PHLDB2: variants seen among roughly 807,000 people sequenced by gnomAD.
PHLDB2 encodes pleckstrin homology like domain family B member 2, also known as pleckstrin homology-like domain family B member 2.
PHLDB2 carries 71 observed loss-of-function variants against 123.6 expected under a neutral mutation model. The ratio of observed to expected loss-of-function variants is 0.57; its 90% CI spans 0.47 to 0.70. PHLDB2 has a LOEUF of 0.70. Among genes scored for constraint, PHLDB2 ranks in the 30% least tolerant of loss-of-function variants. The probability of loss-of-function intolerance (pLI) is 0.00; values close to 1 mark genes in which losing one functional copy is unlikely to be tolerated. For synonymous variants in PHLDB2, 547 were observed against 541.6 expected, an observed-to-expected ratio of 1.01 and a Z score of -0.14; for missense variants, 1,446 against 1,519.5, an observed-to-expected ratio of 0.95 and a Z score of 0.80.
rs751320904 is a variant in PHLDB2 at position 111,780,402 on chromosome 3, A to AGAAGAAGAAGAAGAAGAAG, written c.-49+47708_-49+47709insGAAGAAGAAGGAAGAAGAA. Among the ~76,000 whole-genome samples, 6 of 145,812 alleles carry AGAAGAAGAAGAAGAAGAAG rather than the reference A, an allele frequency of 4.1e-5. 1 individual carries two copies. Among genetic ancestry groups the AGAAGAAGAAGAAGAAGAAG allele is most frequent in the African/African-American group, 5.1e-5 (2 of 39,128 alleles). On this transcript the variant is annotated intron_variant, in intron 1 of 17. Coordinates refer to the PHLDB2 transcript ENST00000393923. ...AAGAAGAAGAAGAAGAAGAAGAAGAAGAAGAAGAAAAAGATTAGTTCGGCC... is the reference window on the plus strand; with the variant it reads ...AAGAAGAAGAAGAAGAAGAAGAAGAAGAAGAAGAAGAAGAAGAAGGAAGAAGAAAAAGATTAGTTCGGCC...
intron 2 of PHLDB2, among the ~76,000 whole-genome samples, chr3:111,852,713 A>T (rs1291201268): frequency 6.6e-6 from 1 of 151,958 alleles, no homozygotes; most frequent in African/African-American, 2.4e-5. Context: ...TGATAAGAAA[A>T]GTGAGCCAGA....
chr3:111,875,514 G>GA (rs1475056064), intron 1 of PHLDB2, among the ~76,000 whole-genome samples: 1 of 151,142 alleles, frequency 6.6e-6, no homozygotes, highest in East Asian at 2.0e-4. Flanking sequence ...AAGAGCTAAG[G>GA]AAAAAATCAA....
chr3:111,862,163 G>A (rs902865096), intron 1 of PHLDB2, among the ~76,000 whole-genome samples: 2 of 152,172 alleles, frequency 1.3e-5, no homozygotes, highest in Admixed American at 6.5e-5. Context: ...ATTTTTAAAG[G>A]AGTAGTTAAC....
upstream of PHLDB2, among the ~76,000 whole-genome samples, chr3:111,856,335 A>G (rs2064505969): frequency 6.6e-6 from 1 of 152,220 alleles, no homozygotes; most frequent in Non-Finnish European, 1.5e-5. Context: ...ATTAAAGACA[A>G]TGAACTCAAG....
intron 2 of PHLDB2, among the ~76,000 whole-genome samples, chr3:111,902,660 CG>C (rs1418922079): frequency 6.6e-6 from 1 of 151,668 alleles, no homozygotes; most frequent in Non-Finnish European, 1.5e-5. Flanking sequence ...TTCTTTGAGG[CG>C]GGGGTCTCCC....
intron 1 of PHLDB2, among the ~76,000 whole-genome samples, chr3:111,769,885 G>T: frequency 6.6e-6 from 1 of 152,210 alleles, no homozygotes; most frequent in East Asian, 1.9e-4. Flanking sequence ...ATGCTGCTGG[G>T]TTAAATATAT....
chr3:111,807,948 T>A, intron 1 of PHLDB2, among the ~76,000 whole-genome samples: 1 of 14,710 alleles, frequency 6.8e-5, no homozygotes, highest in Admixed American at 8.6e-4. Context: ...AGCTGGGTGT[T>A]TTTTTTTTTT....
At chr3:111,944,865 A>G (rs767394367) in intron 8 of PHLDB2, among the ~76,000 whole-genome samples, 37 of 152,060 alleles carry the variant, frequency 2.4e-4, no homozygotes, top group South Asian at 2.3e-3. Flanking sequence ...AGTAGAGACA[A>G]GGTTTCACCA....
chr3:111,966,556 T>G (rs1195897508), intron 13 of PHLDB2, 57 bp from the exon 14 acceptor site: 3 of 1,145,882 alleles, frequency 2.6e-6, no homozygotes, highest in African/African-American at 1.6e-5. Flanking sequence ...GTGTATGTAT[T>G]AGAGAGACTT....
chr3:111,752,602 C>T (rs188142972), intron 1 of PHLDB2, among the ~76,000 whole-genome samples: 4 of 151,236 alleles, frequency 2.6e-5, no homozygotes, highest in Admixed American at 6.6e-5. Flanking sequence ...AGTTTTCATT[C>T]GGTTATTTTC....
chr3:111,855,677 C>T (rs2064463482), upstream of PHLDB2, among the ~76,000 whole-genome samples: 1 of 139,342 alleles, frequency 7.2e-6, no homozygotes, highest in Non-Finnish European at 1.5e-5. Flanking sequence ...CACTCTGCCA[C>T]CCAGGCTGGA....
chr3:111,854,177 C>G (rs1035407052), intron 2 of PHLDB2, among the ~76,000 whole-genome samples: 1 of 152,166 alleles, frequency 6.6e-6, no homozygotes, highest in South Asian at 2.1e-4. Flanking sequence ...ACAAAACCAT[C>G]AGATCTCATG....
chr3:111,931,552 G>A (rs1442615444), intron 5 of PHLDB2, among the ~76,000 whole-genome samples: 1 of 151,884 alleles, frequency 6.6e-6, no homozygotes, highest in Non-Finnish European at 1.5e-5. Context: ...TATGTCAGTC[G>A]TTGTGGGAAA....
At chr3:111,901,912 GT>G (rs950484151) in intron 2 of PHLDB2, among the ~76,000 whole-genome samples, 8 of 151,986 alleles carry the variant, frequency 5.3e-5, no homozygotes, top group African/African-American at 1.9e-4. Context: ...CTTATGGCCG[GT>G]TTTTTTCAGT....
intron 12 of PHLDB2, among the ~76,000 whole-genome samples, chr3:111,959,937 A>G (rs991426606): frequency 3.3e-5 from 5 of 152,334 alleles, no homozygotes; most frequent in Admixed American, 3.3e-4. Context: ...TAATTCTTGT[A>G]TGTTTTAAAT....
chr3:111,817,884 A>G (rs1483468187), intron 1 of PHLDB2, among the ~76,000 whole-genome samples: 1 of 152,174 alleles, frequency 6.6e-6, no homozygotes, highest in African/African-American at 2.4e-5. Context: ...GTGGGAGAAG[A>G]TAGGCTGGTA....
chr3:111,780,781 T>A (rs1433362261), intron 1 of PHLDB2, among the ~76,000 whole-genome samples: 1 of 152,064 alleles, frequency 6.6e-6, no homozygotes, highest in Admixed American at 6.6e-5. Flanking sequence ...TAGACCCAAA[T>A]GCATCAATAG....
chr3:111,741,567 G>A (rs1287694789), intron 1 of PHLDB2, among the ~76,000 whole-genome samples: 1 of 152,104 alleles, frequency 6.6e-6, no homozygotes. Context: ...CTGTGTGTGT[G>A]TGTTACGTGG....
chr3:111,786,162 CCTATGGACATT>C (rs1330266044), intron 1 of PHLDB2, among the ~76,000 whole-genome samples: 1 of 152,128 alleles, frequency 6.6e-6, no homozygotes, highest in Non-Finnish European at 1.5e-5. Context: ...TTGCACTGGA[CCTATGGACATT>C]CTCTTTTAAA....
Sources: allele counts gnomAD v4.1 joint callset (sites outside exome capture counted in the v4.1 genomes callset), GRCh38; gene constraint gnomAD v4.1.1; transcripts MANE v1.5; gene names NCBI Gene and HGNC (gene_info 2026-07-23, HGNC 2026-07-21).